The following CACNA1B variants were observed in gnomAD, a reference collection of about 807,000 sequenced individuals.
The protein encoded by CACNA1B is voltage-dependent N-type calcium channel subunit alpha-1B.
A neutral mutation model predicts 247.2 loss-of-function variants in CACNA1B; 70 were observed. The ratio of observed to expected loss-of-function variants is 0.28; its 90% CI spans 0.23 to 0.35. The LOEUF (loss-of-function observed/expected upper bound fraction) is 0.35. Ranked by LOEUF, CACNA1B falls within the 10% of genes least tolerant of loss-of-function variation. CACNA1B has a pLI of 1.00. For missense variants in CACNA1B, 2,367 were observed against 3,197.4 expected (o/e 0.74, Z 6.26); for synonymous variants, 1,231 against 1,294.4 (o/e 0.95, Z 1.05).
At chr9:138,097,752 G>A (rs958923937) in intron 37 of CACNA1B, among the ~76,000 whole-genome samples, 3 of 152,166 alleles carry the variant, frequency 2.0e-5, no homozygotes, top group Non-Finnish European at 2.9e-5. Context: ...GGGGAGGGCC[G>A]GCAGGACGTG....
chr9:138,020,567 G>A lies in CACNA1B; in HGVS notation c.2268-2444G>A, dbSNP rs778663576. Among the ~76,000 whole-genome samples, 16 of 152,186 alleles carry A rather than the reference G, an allele frequency of 1.1e-4. No individual in the cohort carries two copies. Among genetic ancestry groups the A allele is most frequent in the Non-Finnish European group, 2.4e-4 (16 of 68,038 alleles). On this transcript the variant is annotated intron_variant, in intron 18 of 46. Transcript: ENST00000371372. This position sits in a 1 kb window ranked among gnomAD's most constrained non-coding sequence, Gnocchi z 4.1. ...CTCCAGAGAGGAACTTGGTGGTGCT[G>A]GCCGAGTGAGGGCAGATGCAGACAG...
intron 37 of CACNA1B, among the ~76,000 whole-genome samples, chr9:138,099,087 A>G (rs908083181): frequency 2.0e-5 from 3 of 152,258 alleles, no homozygotes; most frequent in African/African-American, 7.2e-5. Flanking sequence ...AACAACAACA[A>G]AATTTTATGA....
intron 18 of CACNA1B, among the ~76,000 whole-genome samples, 177 bp from the exon 19 acceptor site, chr9:138,022,834 G>A (rs1037776379): frequency 6.6e-6 from 1 of 150,590 alleles, no homozygotes; most frequent in South Asian, 2.1e-4. Flanking sequence ...GGCTGAATTC[G>A]GTTCCCTTGG....
Position 138,052,061 on chromosome 9 carries a change from C to A in CACNA1B, c.3711-31C>A. On this transcript the variant is annotated intron_variant, in intron 24 of 46. Coordinates refer to ENST00000371372, the MANE Select transcript of CACNA1B (RefSeq NM_000718.4). This position sits in a 1 kb window ranked among gnomAD's most constrained non-coding sequence, Gnocchi z 5.1. Reference sequence around the variant, plus strand: ...GAGCTGGGCACACCCATGCCTCCTGCCTGTCTGCATCTGTGGCTTCTCCCT... The same window carrying A: ...GAGCTGGGCACACCCATGCCTCCTGACTGTCTGCATCTGTGGCTTCTCCCT... 7.6e-7 allele frequency: 1 copy of A among 1,318,842 alleles called. No individual in the cohort carries two copies. Among genetic ancestry groups the A allele is most frequent in the Non-Finnish European group, 1.1e-6 (1 of 915,732 alleles). The allele number at this position is 1,318,842 out of a possible 1,614,324, so 81.7% of individuals were successfully genotyped here. A position where few individuals can be genotyped will look rare whatever the true frequency, so the allele number is the denominator to read the frequency against.
At position 138,057,027 on chromosome 9, in the gene CACNA1B, C is replaced by G. The variant is rs1367302255; in HGVS notation, c.3969-705C>G. Among the ~76,000 whole-genome samples, 1 of 150,712 alleles carries G rather than the reference C, an allele frequency of 6.6e-6. No individual in the cohort carries two copies. The highest frequency in any genetic ancestry group is 2.5e-5 in the African/African-American group (1 of 40,532). On this transcript the variant is annotated intron_variant, in intron 26 of 46. Coordinates refer to ENST00000371372, the MANE Select transcript of CACNA1B (RefSeq NM_000718.4). The surrounding 1 kb of genome is among the most constrained non-coding windows in gnomAD (Gnocchi z 4.0). ...CTCGGCTCACTGCAGGCTCCACCTCCCGGGTTCACGCCATTCTCCTGCCTC... is the reference window on the plus strand; with the variant it reads ...CTCGGCTCACTGCAGGCTCCACCTCGCGGGTTCACGCCATTCTCCTGCCTC...
At chr9:137,967,297 A>G (rs757284462) in intron 10 of CACNA1B, among the ~76,000 whole-genome samples, 3 of 152,042 alleles carry the variant, frequency 2.0e-5, no homozygotes, top group Non-Finnish European at 4.4e-5. Context: ...GCCTCCACCC[A>G]TACCCAGTAA....
Position 138,058,634 on chromosome 9 carries a change from G to T in CACNA1B, c.4374G>T (p.Gln1458His), listed in dbSNP as rs1248273465. 6.2e-7 allele frequency: 1 copy of T among 1,613,948 alleles called. No individual in the cohort carries two copies. The change falls in exon 29 of 47, where the codon CAG becomes CAT. Residue 1458 changes from glutamine (Q) to histidine (H), a missense_variant. By Grantham distance (24) the Gln-to-His change is conservative. Around this residue, in one of 12 missense-constraint regions of CACNA1B, gnomAD observed 436 missense variants for 679.5 expected, o/e 0.64. Transcript: ENST00000371372. The surrounding 1 kb of genome is among the most constrained non-coding windows in gnomAD (Gnocchi z 4.7). ...CACGGTACATGCCCCAAAACCGGCA[G>T]TCGTTCCAGTATAAGACGTGGACAT... ...PLTRYMPQNRQSFQYKTWTFV... is the reference protein window; with the variant it reads ...PLTRYMPQNRHSFQYKTWTFV...
At chr9:137,948,437 A>C (rs1957823651) in intron 6 of CACNA1B, among the ~76,000 whole-genome samples, 1 of 151,628 alleles carries the variant, frequency 6.6e-6, no homozygotes, top group South Asian at 2.1e-4. Flanking sequence ...TTGTTTTCTT[A>C]CTGTTCACTG....
intron 3 of CACNA1B, among the ~76,000 whole-genome samples, chr9:137,895,716 C>T (rs1957164672): frequency 6.6e-6 from 1 of 152,174 alleles, no homozygotes; most frequent in Non-Finnish European, 1.5e-5. Context: ...AGTAGTAGTT[C>T]TAGGACAATT....
chr9:137,894,647 A>G (rs1957152524), intron 3 of CACNA1B, among the ~76,000 whole-genome samples: 1 of 152,042 alleles, frequency 6.6e-6, no homozygotes, highest in South Asian at 2.1e-4. Context: ...TGACCTCGTG[A>G]TCCGCCCACC....
intron 6 of CACNA1B, among the ~76,000 whole-genome samples, chr9:137,934,348 A>G (rs763540036): frequency 1.5e-4 from 23 of 152,192 alleles, no homozygotes; most frequent in Non-Finnish European, 2.8e-4. Context: ...TTGGGTTGCA[A>G]TAGTTGAGCA....
chr9:138,086,585 G>T (rs1960700443), intron 36 of CACNA1B, among the ~76,000 whole-genome samples: 1 of 151,122 alleles, frequency 6.6e-6, no homozygotes, highest in Non-Finnish European at 1.5e-5. Flanking sequence ...TAATGATAAA[G>T]GAATCAATTC....
At chr9:137,965,268 C>A (rs1274936888) in intron 10 of CACNA1B, among the ~76,000 whole-genome samples, 1 of 152,262 alleles carries the variant, frequency 6.6e-6, no homozygotes, top group Non-Finnish European at 1.5e-5. Context: ...TCAGTTTGAG[C>A]TTTCCAAGTC....
In CACNA1B at chr9:137,899,189, G is replaced by A. The variant is rs1259696167; in HGVS notation, c.531-13991G>A. ...TGCAACCTCCGCCTCCTAGGTTCAA[G>A]CAATTGTCCTGCCTTAGCTTCTTGG... On this transcript the variant is annotated intron_variant, in intron 3 of 46. Coordinates refer to ENST00000371372, the MANE Select transcript of CACNA1B (RefSeq NM_000718.4). This position sits in a 1 kb window ranked among gnomAD's most constrained non-coding sequence, Gnocchi z 5.0. Among the ~76,000 whole-genome samples, 2 of 151,856 alleles carry A rather than the reference G, an allele frequency of 1.3e-5. No individual in the cohort carries two copies. Among genetic ancestry groups the A allele is most frequent in the Non-Finnish European group, 2.9e-5 (2 of 67,966 alleles).
At chr9:138,039,264 A>G (rs1959086813) in intron 20 of CACNA1B, among the ~76,000 whole-genome samples, 1 of 152,018 alleles carries the variant, frequency 6.6e-6, no homozygotes, top group Admixed American at 6.5e-5. Flanking sequence ...TGTAATTCAA[A>G]TAGAAGATTG....
In CACNA1B at chr9:137,952,182, G is replaced by A. The variant is rs888506192; in HGVS notation, c.967-92G>A. ...TGGACCCTACCAGGTGTGTGCTTCT[G>A]AGAAGGAGGCCTGTTGGGGGCTGGG... On this transcript the variant is annotated intron_variant, in intron 6 of 46. Coordinates refer to ENST00000371372, the MANE Select transcript of CACNA1B (RefSeq NM_000718.4). This position sits in a 1 kb window ranked among gnomAD's most constrained non-coding sequence, Gnocchi z 4.8. 97 of 963,684 alleles carry A rather than the reference G, an allele frequency of 1.0e-4. No individual in the cohort carries two copies. The highest frequency in any genetic ancestry group is 3.3e-5 in the Non-Finnish European group (20 of 605,650). The allele number at this position is 963,684 out of a possible 1,614,324, so 59.7% of individuals were successfully genotyped here.
chr9:138,057,310 A>G lies in CACNA1B; in HGVS notation c.3969-422A>G, dbSNP rs911392895. Among the ~76,000 whole-genome samples the G allele has an allele frequency of 3.3e-5, 5 of 152,196 alleles. No individual in the cohort carries two copies. Among genetic ancestry groups the G allele is most frequent in the African/African-American group, 1.2e-4 (5 of 41,444 alleles). On this transcript the variant is annotated intron_variant, in intron 26 of 46. Coordinates refer to ENST00000371372, the MANE Select transcript of CACNA1B (RefSeq NM_000718.4). The surrounding 1 kb of genome is among the most constrained non-coding windows in gnomAD (Gnocchi z 4.0). Reference sequence around the variant, plus strand: ...TTATCAGACAGAGGATTAGGAAATAAGTATTTTTCCCATTCTGTGGATTTG... The same window carrying G: ...TTATCAGACAGAGGATTAGGAAATAGGTATTTTTCCCATTCTGTGGATTTG...
intron 15 of CACNA1B, among the ~76,000 whole-genome samples, chr9:137,988,211 C>G (rs1958389743): frequency 6.6e-6 from 1 of 152,224 alleles, no homozygotes; most frequent in Non-Finnish European, 1.5e-5. Flanking sequence ...AGGCCTGGAG[C>G]TGCCCGTAGG....
chr9:138,100,746 T>C lies in CACNA1B; in HGVS notation c.5223-1965T>C, dbSNP rs1961223837. On this transcript the variant is annotated intron_variant, in intron 37 of 46. Transcript: ENST00000371372. The surrounding 1 kb of genome is among the most constrained non-coding windows in gnomAD (Gnocchi z 4.6). Reference sequence around the variant, plus strand: ...GGTTGCTGTGATAGAGAAGCAGACCTGCCTTGCTGTGGTGGTGAGAAAGCC... The same window carrying C: ...GGTTGCTGTGATAGAGAAGCAGACCCGCCTTGCTGTGGTGGTGAGAAAGCC... 6.6e-6 allele frequency among the ~76,000 whole-genome samples: 1 copy of C among 152,112 alleles called. No individual in the cohort carries two copies.
Sources: allele counts gnomAD v4.1 joint callset (sites outside exome capture counted in the v4.1 genomes callset), GRCh38; gene constraint gnomAD v4.1.1; regional missense constraint gnomAD v4.1.1; non-coding constraint Gnocchi (gnomAD v3.1); transcripts MANE v1.5; gene names NCBI Gene and HGNC (gene_info 2026-07-23, HGNC 2026-07-21).